The following SCN10A variants were observed in gnomAD, a reference collection of about 807,000 sequenced individuals.
SCN10A encodes sodium voltage-gated channel alpha subunit 10.
SCN10A carries 162 observed loss-of-function variants against 170.7 expected under a neutral mutation model. That is an observed-to-expected ratio of 0.95 (90% CI 0.84 to 1.08). SCN10A has a LOEUF of 1.08. SCN10A is among the 50% of genes least tolerant of loss of function. SCN10A has a pLI of 0.00. For missense variants in SCN10A, 2,527 were observed against 2,436.9 expected (o/e 1.04, Z -0.78); for synonymous variants, 985 against 904.6 (o/e 1.09, Z -1.59).
chr3:38,779,621 G>T (rs1347375764), intron 4 of SCN10A, among the ~76,000 whole-genome samples: 1 of 151,688 alleles, frequency 6.6e-6, no homozygotes, highest in African/African-American at 2.4e-5. Flanking sequence ...AGCTTTTACT[G>T]ATATAAATAT....
chr3:38,808,379 T>C (rs2064418836), intron 1 of SCN10A, among the ~76,000 whole-genome samples: 1 of 152,228 alleles, frequency 6.6e-6, no homozygotes, highest in Non-Finnish European at 1.5e-5. Flanking sequence ...TTTTCTTTGT[T>C]ATTCATTTGC....
intron 1 of SCN10A, among the ~76,000 whole-genome samples, chr3:38,814,483 C>A (rs939593348): frequency 6.6e-6 from 1 of 152,104 alleles, no homozygotes; most frequent in Non-Finnish European, 1.5e-5. Context: ...ACTGCACATG[C>A]CCAGAGTCAG....
intron 26 of SCN10A, among the ~76,000 whole-genome samples, chr3:38,704,997 G>A (rs1216829208): frequency 2.0e-5 from 3 of 152,226 alleles, no homozygotes; most frequent in Non-Finnish European, 4.4e-5. Context: ...ACTTTGAAGA[G>A]GGAAGATGAT....
intron 26 of SCN10A, among the ~76,000 whole-genome samples, chr3:38,704,909 G>T (rs1174326829): frequency 1.3e-5 from 2 of 152,232 alleles, no homozygotes; most frequent in African/African-American, 4.8e-5. Context: ...CTGGCCAAAA[G>T]CAAGCTGGGC....
At chr3:38,805,183 C>T (rs1156815631) in intron 1 of SCN10A, among the ~76,000 whole-genome samples, 1 of 152,096 alleles carries the variant, frequency 6.6e-6, no homozygotes, top group Non-Finnish European at 1.5e-5. Context: ...AGCTGCTTGG[C>T]AGAATAAGGA....
At chr3:38,757,914 G>T (rs2063827422) in intron 8 of SCN10A, among the ~76,000 whole-genome samples, 1 of 152,204 alleles carries the variant, frequency 6.6e-6, no homozygotes, top group African/African-American at 2.4e-5. Flanking sequence ...TCGATGTCAA[G>T]AAGCATCTGT....
intron 24 of SCN10A, among the ~76,000 whole-genome samples, chr3:38,710,600 C>T (rs2063262819): frequency 6.6e-6 from 1 of 152,130 alleles, no homozygotes; most frequent in Admixed American, 6.5e-5. Flanking sequence ...TGATGCTTTC[C>T]TCAACAGTGA....
At position 38,728,651 on chromosome 3, in the gene SCN10A, C is replaced by T. The variant is rs562091549; in HGVS notation, c.2531G>A (p.Arg844His). The change falls in exon 16 of 28, where the codon CGT becomes CAT. Residue 844 changes from arginine to histidine, a missense_variant. Physicochemically the swap from Arg to His is conservative, Grantham distance 29. Transcript: ENST00000449082. The stretch of plus-strand genomic sequence containing the variant: ...CTCAATCCACTCTCCACAGAGGATA[C>T]GGAAGACAATGAGGAAAGAGTGGAA... Reference protein sequence around the residue: ...DFFHSFLIVFRILCGEWIENM... With the variant: ...DFFHSFLIVFHILCGEWIENM... 3.0e-5 allele frequency: 49 copies of T among 1,614,178 alleles called. No homozygotes were observed. The highest frequency in any genetic ancestry group is 2.9e-4 in the East Asian group (13 of 44,890).
chr3:38,707,392 A>G lies in SCN10A; in HGVS notation c.4282-9T>C, dbSNP rs202063632. 26 of 1,613,320 alleles carry G rather than the reference A, an allele frequency of 1.6e-5. No homozygotes were observed. Among genetic ancestry groups the G allele is most frequent in the Middle Eastern group, 1.7e-4 (1 of 6,056 alleles). ...ATGTCCTGGCCCCCTAAGTGCAGAG[A>G]GGGCCACACTGTTACTAAAGCAAGA... On this transcript the variant is annotated splice_polypyrimidine_tract_variant and intron_variant, in intron 25 of 27. Transcript: ENST00000449082.
chr3:38,709,530 A>G lies in SCN10A; in HGVS notation c.4229T>C (p.Leu1410Pro), dbSNP rs1444910170. Residue 1410 changes from leucine to proline, a missense_variant, in exon 25 of 28, where the codon CTG (leucine) becomes CCG (proline). Physicochemically the swap from Leu to Pro is moderately conservative, Grantham distance 98. Transcript: ENST00000449082. ...AATTATGACCCCAACAAAGAGATTC[A>G]GTGTGAAGAAGCCTCCAAAAATGAT... The part of the protein sequence containing the change: ...IFIIFGGFFT[L>P]NLFVGVIIDN... 6.2e-7 allele frequency: 1 copy of G among 1,613,022 alleles called. No individual in the cohort carries two copies. The highest frequency in any genetic ancestry group is 1.3e-5 in the African/African-American group (1 of 74,882).
chr3:38,747,928 A>T (rs2063708261), intron 13 of SCN10A, among the ~76,000 whole-genome samples: 1 of 151,926 alleles, frequency 6.6e-6, no homozygotes, highest in South Asian at 2.1e-4. Context: ...TTCATCTTTC[A>T]TGTCCCCTTC....
chr3:38,753,472 G>T (rs1360530640), intron 11 of SCN10A, among the ~76,000 whole-genome samples: 2 of 152,054 alleles, frequency 1.3e-5, no homozygotes, highest in Admixed American at 6.5e-5. Flanking sequence ...GCCAATTGGG[G>T]TTCTCCTTAC....
At chr3:38,812,792 G>T (rs1245034755) in intron 1 of SCN10A, among the ~76,000 whole-genome samples, 3 of 152,046 alleles carry the variant, frequency 2.0e-5, no homozygotes, top group Non-Finnish European at 2.9e-5. Flanking sequence ...CCATCATTTT[G>T]GGAGGCTGCA....
In SCN10A at chr3:38,756,740, A is replaced by G. The variant is rs1291329219; in HGVS notation, c.1224T>C (p.Thr408=). 2.5e-6 allele frequency: 4 copies of G among 1,613,996 alleles called. No individual in the cohort carries two copies. The highest frequency in any genetic ancestry group is 3.3e-5 in the Admixed American group (2 of 60,002). ...MAYEEQNQAT[T]DEIEAKEKKF... is the part of the protein sequence containing the mutation. ...TCTTCTCCTTTGCTTCAATTTCATC[A>G]GTGGTTGCCTGGTTCTGCTCCTCAT... Residue 408 remains threonine, a synonymous_variant, in exon 10 of 28, where the codon ACT becomes ACC. Coordinates refer to ENST00000449082, the MANE Select transcript of SCN10A (RefSeq NM_006514.4).
rs140900180 is a variant in SCN10A at position 38,797,671 on chromosome 3, G to C, written c.-32-3629C>G. Among the ~76,000 whole-genome samples, 776 of 152,272 alleles carry C rather than the reference G, an allele frequency of 5.1e-3. 25 individuals carry two copies. Among genetic ancestry groups the C allele is most frequent in the Admixed American group, 0.047 (714 of 15,286 alleles). On this transcript the variant is annotated intron_variant, in intron 1 of 27. Transcript: ENST00000449082. ...TTAACTTTCTCTTCCTTGTCTAGGG[G>C]AGAAGAGATACTTATAGTTTGGAAC...
At position 38,707,375 on chromosome 3, in the gene SCN10A, G is replaced by T. The variant is rs763504898; in HGVS notation, c.4290C>A (p.Gly1430=). ...NFNQQKKKLG[G]QDIFMTEEQK... Reference sequence around the variant, plus strand: ...GCTCCTCTGTCATGAAGATGTCCTGGCCCCCTAAGTGCAGAGAGGGCCACA... The same window carrying T: ...GCTCCTCTGTCATGAAGATGTCCTGTCCCCCTAAGTGCAGAGAGGGCCACA... Residue 1430 remains glycine (G), a synonymous_variant, in exon 26 of 28, where the codon GGC becomes GGA. Coordinates refer to ENST00000449082, the MANE Select transcript of SCN10A (RefSeq NM_006514.4). 2.5e-6 allele frequency: 4 copies of T among 1,614,016 alleles called. No individual in the cohort carries two copies. Among genetic ancestry groups the T allele is most frequent in the Non-Finnish European group, 3.4e-6 (4 of 1,179,976 alleles).
In SCN10A at chr3:38,728,697, G is replaced by A. The variant is rs755974168; in HGVS notation, c.2485C>T (p.Arg829Cys). 1.3e-5 allele frequency: 21 copies of A among 1,614,088 alleles called. No individual in the cohort carries two copies. The highest frequency in any genetic ancestry group is 3.3e-4 in the Middle Eastern group (2 of 6,082). ...NISAPHEDWP[R>C]WHMHDFFHSF... is the part of the protein sequence containing the mutation. Reference sequence around the variant, plus strand: ...TGGAAGAAGTCGTGCATGTGCCAGCGGGGCCAGTCTTCATGGGGCGCGGAG... The same window carrying A: ...TGGAAGAAGTCGTGCATGTGCCAGCAGGGCCAGTCTTCATGGGGCGCGGAG... Residue 829 changes from arginine to cysteine, a missense_variant, in exon 16 of 28, where the codon CGC (arginine) becomes TGC (cysteine). Transcript: ENST00000449082.
chr3:38,774,739 G>A (rs1003753625), intron 4 of SCN10A, among the ~76,000 whole-genome samples: 2 of 152,166 alleles, frequency 1.3e-5, no homozygotes, highest in African/African-American at 4.8e-5. Context: ...TTAAAACTCT[G>A]TGTAAGCCCT....
intron 15 of SCN10A, among the ~76,000 whole-genome samples, chr3:38,733,600 C>T (rs1292403362): frequency 2.0e-5 from 3 of 152,164 alleles, no homozygotes; most frequent in Admixed American, 6.5e-5. Context: ...TCTGCAGCCA[C>T]GACCTCCTGG....
Sources: gnomAD v4.1 joint callset for allele counts (sites outside exome capture counted in the v4.1 genomes callset) on GRCh38, gnomAD v4.1.1 for gene constraint, MANE v1.5 for transcripts, NCBI Gene and HGNC (gene_info 2026-07-23, HGNC 2026-07-21) for gene names.